Variants in NBEA observed in about 807,000 individuals in gnomAD.
NBEA encodes neurobeachin.
NBEA carries 44 observed loss-of-function variants against 343.4 expected under a neutral mutation model. The observed-to-expected ratio is 0.13, with a 90% CI of 0.10 to 0.16. NBEA has a LOEUF of 0.16. NBEA is among the 10% of genes least tolerant of loss of function. NBEA has a pLI of 1.00. For missense variants in NBEA, 2,555 were observed against 3,631.3 expected, an observed-to-expected ratio of 0.70 and a Z score of 7.62; for synonymous variants, 1,175 against 1,238.7, an observed-to-expected ratio of 0.95 and a Z score of 1.08.
intron 7 of NBEA, 31 bp downstream of exon 7, chr13:35,056,160 ATTTG>A (rs371741079): frequency 1.1e-4 from 168 of 1,553,242 alleles, no homozygotes; most frequent in Middle Eastern, 8.6e-4. Flanking sequence ...CTGTGTTTTA[ATTTG>A]TTTGGGAGTA....
chr13:35,455,917 G>A (rs866255193), intron 40 of NBEA, among the ~76,000 whole-genome samples: 1 of 152,048 alleles, frequency 6.6e-6, no homozygotes, highest in South Asian at 2.1e-4. Context: ...GTGTATGTGA[G>A]TGTGTTTGTA....
At chr13:34,992,172 G>C (rs1335024240) in intron 1 of NBEA, among the ~76,000 whole-genome samples, 1 of 147,842 alleles carries the variant, frequency 6.8e-6, no homozygotes, top group African/African-American at 2.5e-5. Context: ...TTTGAAAAAT[G>C]TGTGTGTATA....
At chr13:35,172,259 TG>T (rs112607414) in intron 26 of NBEA, among the ~76,000 whole-genome samples, 6,607 of 151,864 alleles carry the variant, frequency 0.044, 260 homozygotes, top group African/African-American at 0.1. Context: ...AACCTTTTTT[TG>T]TTTGTTTGTT....
At chr13:35,105,618 C>A (rs2065882318) in intron 11 of NBEA, among the ~76,000 whole-genome samples, 1 of 151,942 alleles carries the variant, frequency 6.6e-6, no homozygotes, top group Non-Finnish European at 1.5e-5. Context: ...GGCTAGCCTA[C>A]CTTTGAACCA....
intron 2 of NBEA, 118 bp from the exon 3 acceptor site, chr13:35,044,829 T>TAG (rs372735958): frequency 0.062 from 23,599 of 378,856 alleles, 550 homozygotes; most frequent in Middle Eastern, 0.1. Flanking sequence ...TATATATATA[T>TAG]AGAGAGAGAG....
At chr13:35,101,742 G>C (rs1020647567) in intron 11 of NBEA, among the ~76,000 whole-genome samples, 2 of 151,500 alleles carry the variant, frequency 1.3e-5, no homozygotes, top group African/African-American at 4.8e-5. Context: ...TACCTCTTTA[G>C]AGTGCCAATT....
At chr13:35,221,941 A>T (rs2074392976) in intron 33 of NBEA, among the ~76,000 whole-genome samples, 1 of 152,202 alleles carries the variant, frequency 6.6e-6, no homozygotes, top group Non-Finnish European at 1.5e-5. Flanking sequence ...CTTCAGGATC[A>T]TGGTCAAATA....
chr13:35,259,309 C>A (rs1455315674), intron 34 of NBEA, among the ~76,000 whole-genome samples: 1 of 152,148 alleles, frequency 6.6e-6, no homozygotes, highest in Non-Finnish European at 1.5e-5. Context: ...ACATTGACTG[C>A]AGAAAGCATT....
Position 35,308,464 on chromosome 13 carries a change from ATATATATATG to A in NBEA, c.5839-1054_5839-1045del, listed in dbSNP as rs1325761643. Reference sequence around the variant, plus strand: ...TATATATATATATATATATATATATATATATATATGTATATATATATGTGTATATATATGT... The same window carrying A: ...TATATATATATATATATATATATATATATATATATATGTGTATATATATGT... On this transcript the variant is annotated intron_variant, in intron 35 of 58. Coordinates refer to ENST00000379939, the MANE Select transcript of NBEA (RefSeq NM_001385012.1). Among the ~76,000 whole-genome samples the A allele has an allele frequency of 5.2e-3, 627 of 120,586 alleles. 11 individuals carry two copies. Among genetic ancestry groups the A allele is most frequent in the South Asian group, 0.014 (55 of 3,960 alleles). 79.1% of individuals were successfully genotyped at this position (120,586 alleles called of 152,430 possible).
chr13:35,203,749 A>T (rs1470214557), intron 31 of NBEA, among the ~76,000 whole-genome samples: 1 of 152,190 alleles, frequency 6.6e-6, no homozygotes, highest in Non-Finnish European at 1.5e-5. Context: ...AAAATCATAT[A>T]ATCAATTAAT....
chr13:35,392,780 G>A (rs377514425), intron 38 of NBEA, among the ~76,000 whole-genome samples: 88 of 152,238 alleles, frequency 5.8e-4, no homozygotes, highest in African/African-American at 2.1e-3. Flanking sequence ...TTGAATAAAT[G>A]GGACTTTTTT....
intron 16 of NBEA, among the ~76,000 whole-genome samples, chr13:35,121,470 A>G (rs1353369117): frequency 6.7e-6 from 1 of 148,596 alleles, no homozygotes; most frequent in Non-Finnish European, 1.5e-5. Context: ...GCTTCTTATG[A>G]TTTCTTGAAT....
chr13:35,277,450 T>C (rs920484045), intron 34 of NBEA, among the ~76,000 whole-genome samples: 1 of 151,340 alleles, frequency 6.6e-6, no homozygotes, highest in African/African-American at 2.4e-5. Flanking sequence ...GGAGAAACCC[T>C]GTCTCTACCA....
chr13:35,087,048 C>T (rs1438084691), intron 10 of NBEA, among the ~76,000 whole-genome samples: 1 of 151,340 alleles, frequency 6.6e-6, no homozygotes, highest in Non-Finnish European at 1.5e-5. Flanking sequence ...GGATATTAGT[C>T]TCTTGTAGGA....
intron 38 of NBEA, among the ~76,000 whole-genome samples, chr13:35,422,975 G>A (rs1303061515): frequency 2.6e-5 from 4 of 152,200 alleles, no homozygotes; most frequent in Middle Eastern, 3.4e-3. Context: ...CATATCCTTC[G>A]CCCATTTGTT....
chr13:35,350,670 T>C (rs924429193), intron 37 of NBEA, among the ~76,000 whole-genome samples: 7 of 151,976 alleles, frequency 4.6e-5, no homozygotes, highest in African/African-American at 1.4e-4. Context: ...TTGATGATTG[T>C]ACCTTATTTT....
At chr13:35,556,724 C>T (rs1472734035) in intron 44 of NBEA, among the ~76,000 whole-genome samples, 2 of 152,052 alleles carry the variant, frequency 1.3e-5, no homozygotes, top group Non-Finnish European at 2.9e-5. Context: ...AAAACTTCAA[C>T]TCAATTTTAT....
chr13:35,514,911 T>C (rs553096494), intron 41 of NBEA, among the ~76,000 whole-genome samples: 102 of 152,292 alleles, frequency 6.7e-4, no homozygotes, highest in Non-Finnish European at 1.1e-3. Context: ...TACCTTTGCA[T>C]TAACACTGAA....
At chr13:35,249,638 G>A (rs1203116639) in intron 34 of NBEA, among the ~76,000 whole-genome samples, 1 of 152,292 alleles carries the variant, frequency 6.6e-6, no homozygotes, top group South Asian at 2.1e-4. Context: ...ATGTAAAATT[G>A]TGCAGCCAGT....
Sources: gnomAD v4.1 joint callset for allele counts (sites outside exome capture counted in the v4.1 genomes callset) on GRCh38, gnomAD v4.1.1 for gene constraint, MANE v1.5 for transcripts, NCBI Gene and HGNC (gene_info 2026-07-23, HGNC 2026-07-21) for gene names.